RUFY1: variants seen among roughly 807,000 people sequenced by gnomAD.
The protein encoded by RUFY1 is RUN and FYVE domain-containing protein 1.
RUFY1 carries 54 observed loss-of-function variants against 94.6 expected under a neutral mutation model. The observed-to-expected ratio is 0.57, with a 90% CI of 0.46 to 0.72. The LOEUF is 0.72. Among genes scored for constraint, RUFY1 ranks in the 30% least tolerant of loss-of-function variants. RUFY1 has a pLI of 0.00. For missense variants in RUFY1, 883 were observed against 883.9 expected (o/e 1.00, Z 0.01); for synonymous variants, 396 against 347.3 (o/e 1.14, Z -1.56).
chr5:179,562,618 G>A lies in RUFY1; in HGVS notation c.556G>A (p.Glu186Lys). ...PLELVEKLCP[E>K]ASDIATSVRN... ...GGAGCTGGTGGAGAAACTTTGTCCA[G>A]AAGCATCAGATATAGCGACTAGTGT... Residue 186 changes from glutamate to lysine, a missense_variant, in exon 3 of 18, where the codon GAA becomes AAA. Coordinates refer to ENST00000319449, the MANE Select transcript of RUFY1 (RefSeq NM_025158.5). The A allele has an allele frequency of 1.2e-6, 2 of 1,610,326 alleles. No homozygotes were observed. The highest frequency in any genetic ancestry group is 1.1e-5 in the South Asian group (1 of 90,982).
chr5:179,583,411 AATATAT>A (rs10541437), intron 7 of RUFY1, among the ~76,000 whole-genome samples: 1 of 144,016 alleles, frequency 6.9e-6, no homozygotes, highest in Non-Finnish European at 1.5e-5. Context: ...TTCTCATATA[AATATAT>A]ATATATATAT....
intron 3 of RUFY1, among the ~76,000 whole-genome samples, chr5:179,566,856 G>T (rs1044599537): frequency 2.0e-4 from 30 of 152,048 alleles, no homozygotes; most frequent in African/African-American, 6.5e-4. Flanking sequence ...AGGAATTTGA[G>T]ACCAGCTTGG....
At chr5:179,601,653 T>C (rs1295634235) in intron 14 of RUFY1, among the ~76,000 whole-genome samples, 1 of 151,090 alleles carries the variant, frequency 6.6e-6, no homozygotes, top group Admixed American at 6.6e-5. Context: ...ACCCCGTCTC[T>C]ACTGAAAATA....
chr5:179,602,209 A>C (rs2127571715), intron 15 of RUFY1: 1 of 542,120 alleles, frequency 1.8e-6, no homozygotes, highest in Admixed American at 3.1e-5. Flanking sequence ...TTAATTCAGG[A>C]AGCACGTTCA....
In RUFY1 at chr5:179,593,547, G is replaced by A. The variant is rs1190067283; in HGVS notation, c.1315G>A (p.Glu439Lys). 1.2e-6 allele frequency: 2 copies of A among 1,614,098 alleles called. No homozygotes were observed. The highest frequency in any genetic ancestry group is 2.2e-5 in the South Asian group (2 of 91,082). Residue 439 changes from glutamate (E) to lysine (K), a missense_variant, in exon 11 of 18, where the codon GAA becomes AAA. Transcript: ENST00000319449. ...AATGGAAATTGCAATGAAGTTACTG[G>A]AAAAGGACACCCACGAGAAGCAGGA... ...TEMEIAMKLLEKDTHEKQDTL... is the reference protein window; with the variant it reads ...TEMEIAMKLLKKDTHEKQDTL...
At chr5:179,592,180 T>C (rs1413254383) in intron 10 of RUFY1, among the ~76,000 whole-genome samples, 1 of 151,902 alleles carries the variant, frequency 6.6e-6, no homozygotes, top group Non-Finnish European at 1.5e-5. Flanking sequence ...AGTGCAGTGG[T>C]GTGATCTCGG....
At chr5:179,562,713 A>G (rs749442761) in intron 3 of RUFY1, 49 bp downstream of exon 3, 3 of 965,072 alleles carry the variant, frequency 3.1e-6, no homozygotes, top group South Asian at 2.7e-5. Flanking sequence ...AAACTCCCTC[A>G]TATTTACTCA....
At chr5:179,602,949 C>T (rs899738368) in intron 15 of RUFY1, among the ~76,000 whole-genome samples, 1 of 152,166 alleles carries the variant, frequency 6.6e-6, no homozygotes, top group African/African-American at 2.4e-5. Context: ...CTGGTCTGCA[C>T]CAGAAATTTG....
At chr5:179,566,995 A>C (rs973754871) in intron 3 of RUFY1, among the ~76,000 whole-genome samples, 6 of 152,104 alleles carry the variant, frequency 3.9e-5, no homozygotes, top group Non-Finnish European at 8.8e-5. Context: ...CGGAGGTTGC[A>C]ATGAGCTGAG....
chr5:179,586,663 G>A (rs1764627829), intron 8 of RUFY1, among the ~76,000 whole-genome samples: 1 of 152,166 alleles, frequency 6.6e-6, no homozygotes, highest in South Asian at 2.1e-4. Flanking sequence ...TGAGGCGCCA[G>A]CCCTGAAAGG....
intron 15 of RUFY1, 54 bp from the exon 16 acceptor site, chr5:179,605,822 T>A (rs1767015689): frequency 8.5e-7 from 1 of 1,181,126 alleles, no homozygotes; most frequent in Non-Finnish European, 1.3e-6. Context: ...GTGTTAGGGA[T>A]TCAGAGCCTC....
chr5:179,560,628 A>G (rs1268599891), intron 2 of RUFY1, among the ~76,000 whole-genome samples: 13 of 148,808 alleles, frequency 8.7e-5, no homozygotes, highest in East Asian at 2.0e-4. Flanking sequence ...CGGGAGGCTG[A>G]GGCAGGAGAA....
chr5:179,550,726 G>T lies in RUFY1; in HGVS notation c.157G>T (p.Ala53Ser). 1 of 1,479,860 alleles carries T rather than the reference G, an allele frequency of 6.8e-7. No individual in the cohort carries two copies. Among genetic ancestry groups the T allele is most frequent in the Non-Finnish European group, 8.9e-7 (1 of 1,119,540 alleles). The allele number at this position is 1,479,860 out of a possible 1,614,324, so 91.7% of individuals were successfully genotyped here. The part of the protein sequence containing the change: ...QLPGPGDLRS[A>S]TRPRAAEGWS... ...GCCCGGCCCAGGCGACCTGCGGAGC[G>T]CAACGAGGCCGCGGGCGGCCGAGGG... Residue 53 changes from alanine to serine, a missense_variant, in exon 1 of 18, where the codon GCA (alanine) becomes TCA (serine). Coordinates refer to ENST00000319449, the MANE Select transcript of RUFY1 (RefSeq NM_025158.5).
At chr5:179,555,621 C>CTT (rs10556244) in intron 1 of RUFY1, 3,439 of 249,204 alleles carry the variant, frequency 0.014, 32 homozygotes, top group African/African-American at 0.03. Flanking sequence ...AAACTCCCAA[C>CTT]TTTTTTTTTT....
At chr5:179,589,726 C>T in intron 9 of RUFY1, 79 bp downstream of exon 9, 1 of 1,101,680 alleles carries the variant, frequency 9.1e-7, no homozygotes, top group East Asian at 2.4e-5. Context: ...CATGGCTTAA[C>T]AACAACCCAG....
At chr5:179,608,337 C>T (rs1216016355) in intron 17 of RUFY1, 7 of 985,648 alleles carry the variant, frequency 7.1e-6, no homozygotes, top group Admixed American at 6.1e-5. Context: ...CTCCCCAACC[C>T]GAGTTTCAGG....
At chr5:179,589,207 G>A (rs1178970946) in intron 8 of RUFY1, among the ~76,000 whole-genome samples, 1 of 152,034 alleles carries the variant, frequency 6.6e-6, no homozygotes, top group African/African-American at 2.4e-5. Context: ...CCACTATGAT[G>A]TAACTATTTC....
At chr5:179,561,805 C>T (rs566852023) in intron 2 of RUFY1, among the ~76,000 whole-genome samples, 1 of 148,912 alleles carries the variant, frequency 6.7e-6, no homozygotes, top group African/African-American at 2.5e-5. Context: ...GCCTCAGCCT[C>T]CCGAGTAGCT....
At chr5:179,560,249 C>T in intron 2 of RUFY1, 51 bp downstream of exon 2, 1 of 1,586,054 alleles carries the variant, frequency 6.3e-7, no homozygotes, top group Non-Finnish European at 8.6e-7. Context: ...TGGGTGTTTG[C>T]TCAGCATTTT....
Sources: allele counts gnomAD v4.1 joint callset (sites outside exome capture counted in the v4.1 genomes callset), GRCh38; gene constraint gnomAD v4.1.1; transcripts MANE v1.5; gene names NCBI Gene and HGNC (gene_info 2026-07-23, HGNC 2026-07-21).